BMPR2: variants seen among roughly 807,000 people sequenced by gnomAD.
The protein encoded by BMPR2 is bone morphogenetic protein receptor type 2.
In BMPR2, 29 loss-of-function variants were observed where a neutral mutation model predicts 100.8. The observed-to-expected ratio is 0.29, with a 90% CI of 0.21 to 0.39. BMPR2 has a LOEUF of 0.39. BMPR2 is among the 10% of genes least tolerant of loss of function. The pLI, the probability that BMPR2 is intolerant of heterozygous loss-of-function variation, is 1.00. For missense variants in BMPR2, 1,011 were observed against 1,274.5 expected, an observed-to-expected ratio of 0.79 and a Z score of 3.15; for synonymous variants, 382 against 442.3, an observed-to-expected ratio of 0.86 and a Z score of 1.71.
At chr2:202,487,804 C>T (rs568168152) in intron 3 of BMPR2, among the ~76,000 whole-genome samples, 1 of 152,240 alleles carries the variant, frequency 6.6e-6, no homozygotes, top group Non-Finnish European at 1.5e-5. Context: ...GTTTGGAGGC[C>T]CTTGAAAACA....
At chr2:202,550,948 T>C (rs980453462) in intron 10 of BMPR2, among the ~76,000 whole-genome samples, 2 of 25,252 alleles carry the variant, frequency 7.9e-5, no homozygotes, top group African/African-American at 3.7e-4. Flanking sequence ...GCATATCAGC[T>C]TTTTTTTTTT....
chr2:202,476,259 CA>C (rs1692549459), intron 3 of BMPR2, among the ~76,000 whole-genome samples: 1 of 129,986 alleles, frequency 7.7e-6, no homozygotes. Flanking sequence ...TTTCCAATTC[CA>C]TGTGTCCCTC....
chr2:202,450,824 T>G (rs547758302), intron 1 of BMPR2, among the ~76,000 whole-genome samples: 6 of 152,282 alleles, frequency 3.9e-5, no homozygotes, highest in African/African-American at 1.4e-4. Flanking sequence ...TAGATTAAGA[T>G]ACTCTGTTTT....
intron 1 of BMPR2, among the ~76,000 whole-genome samples, chr2:202,400,216 A>C (rs1690742333): frequency 6.6e-6 from 1 of 151,970 alleles, no homozygotes; most frequent in African/African-American, 2.4e-5. Context: ...ATCATAGTTC[A>C]CTGCAACCTT....
intron 2 of BMPR2, among the ~76,000 whole-genome samples, chr2:202,465,731 G>A (rs920597626): frequency 3.9e-5 from 6 of 151,988 alleles, no homozygotes; most frequent in African/African-American, 9.7e-5. Context: ...GGTGGCGGGC[G>A]CCTGTAGTCC....
intron 1 of BMPR2, among the ~76,000 whole-genome samples, chr2:202,405,439 A>G (rs1690868711): frequency 6.6e-6 from 1 of 152,146 alleles, no homozygotes; most frequent in South Asian, 2.1e-4. Flanking sequence ...CTGTAATCCC[A>G]GCACTTTGGA....
chr2:202,466,035 T>C (rs1172907240), intron 2 of BMPR2, among the ~76,000 whole-genome samples: 1 of 152,246 alleles, frequency 6.6e-6, no homozygotes, highest in Non-Finnish European at 1.5e-5. Flanking sequence ...GTAGACATTA[T>C]GTTATTTTCA....
chr2:202,457,561 T>TAGAGAGAG (rs72489501), intron 1 of BMPR2, among the ~76,000 whole-genome samples: 5 of 94,842 alleles, frequency 5.3e-5, no homozygotes, highest in Admixed American at 1.1e-4. Flanking sequence ...TATATATATA[T>TAGAGAGAG]AGAGAGAGAG....
At chr2:202,552,011 C>G (rs1458682403) in intron 10 of BMPR2, among the ~76,000 whole-genome samples, 1 of 152,094 alleles carries the variant, frequency 6.6e-6, no homozygotes, top group Non-Finnish European at 1.5e-5. Context: ...CATGCCACCA[C>G]ACCCAGCTGA....
At chr2:202,467,064 C>T (rs984578253) in intron 2 of BMPR2, 5 of 213,266 alleles carry the variant, frequency 2.3e-5, no homozygotes, top group South Asian at 7.5e-5. Flanking sequence ...AGTTTGAGAC[C>T]GGCCTGACCA....
intron 10 of BMPR2, among the ~76,000 whole-genome samples, chr2:202,550,178 GC>G (rs1688450968): frequency 6.6e-6 from 1 of 151,882 alleles, no homozygotes; most frequent in African/African-American, 2.4e-5. Context: ...GACCATCCTG[GC>G]CAACATGGTG....
intron 8 of BMPR2, among the ~76,000 whole-genome samples, chr2:202,531,270 T>C (rs1307846670): frequency 6.6e-6 from 1 of 152,214 alleles, no homozygotes; most frequent in Non-Finnish European, 1.5e-5. Flanking sequence ...GCCACTGCAC[T>C]CCATCCTGGG....
At chr2:202,441,803 G>A (rs1022250657) in intron 1 of BMPR2, among the ~76,000 whole-genome samples, 1 of 149,626 alleles carries the variant, frequency 6.7e-6, no homozygotes, top group Non-Finnish European at 1.5e-5. Flanking sequence ...GGAGGCCGAG[G>A]TGGGCGATCA....
In BMPR2 at chr2:202,532,149, G is replaced by A. The variant is rs919807885; in HGVS notation, c.1129-436G>A. 6.7e-6 allele frequency among the ~76,000 whole-genome samples: 1 copy of A among 148,648 alleles called. No homozygotes were observed. Among genetic ancestry groups the A allele is most frequent in the African/African-American group, 2.5e-5 (1 of 40,184 alleles). Reference sequence around the variant, plus strand: ...GTAGAGACGGGGTTTCACTGTGTTAGCCAGGATGGTCTCGATCTCCTGACC... The same window carrying A: ...GTAGAGACGGGGTTTCACTGTGTTAACCAGGATGGTCTCGATCTCCTGACC... On this transcript the variant is annotated intron_variant, in intron 8 of 12. Coordinates refer to ENST00000374580, the MANE Select transcript of BMPR2 (RefSeq NM_001204.7). This position sits in a 1 kb window ranked among gnomAD's most constrained non-coding sequence, Gnocchi z 4.1.
At chr2:202,490,473 G>A (rs576223207) in intron 3 of BMPR2, among the ~76,000 whole-genome samples, 56 of 152,282 alleles carry the variant, frequency 3.7e-4, no homozygotes, top group Non-Finnish European at 6.0e-4. Flanking sequence ...CCTTGAAAAT[G>A]AAAATAAGTT....
rs781299899 is a variant in BMPR2 at position 202,559,977 on chromosome 2, T to G, written c.*31T>G. The G allele has an allele frequency of 1.2e-6, 2 of 1,613,096 alleles. No individual in the cohort carries two copies. Among genetic ancestry groups the G allele is most frequent in the Non-Finnish European group, 1.7e-6 (2 of 1,179,978 alleles). On this transcript the variant is annotated 3_prime_UTR_variant, in exon 13 of 13. Transcript: ENST00000374580. Reference sequence around the variant, plus strand: ...TTTCAAGCCTATGGAGTGAAATTATTTTTTGCATCATTTAAACATGCAGAA... The same window carrying G: ...TTTCAAGCCTATGGAGTGAAATTATGTTTTGCATCATTTAAACATGCAGAA...
intron 1 of BMPR2, among the ~76,000 whole-genome samples, chr2:202,389,691 G>A (rs1337062835): frequency 6.6e-6 from 1 of 150,652 alleles, no homozygotes; most frequent in East Asian, 2.0e-4. Context: ...GTCCAGGCTG[G>A]AGTGCCATGG....
chr2:202,528,615 A>G (rs1300703329), intron 7 of BMPR2, among the ~76,000 whole-genome samples: 14 of 152,258 alleles, frequency 9.2e-5, no homozygotes, highest in Admixed American at 3.9e-4. Flanking sequence ...AACTATCTTA[A>G]ATATGCTCAG....
intron 7 of BMPR2, among the ~76,000 whole-genome samples, 199 bp from the exon 8 acceptor site, chr2:202,530,595 C>T (rs1367792768): frequency 6.6e-6 from 1 of 151,160 alleles, no homozygotes; most frequent in Non-Finnish European, 1.5e-5. Context: ...TAATGTTTAA[C>T]TATACATGCA....
Sources: allele counts gnomAD v4.1 joint callset (sites outside exome capture counted in the v4.1 genomes callset), GRCh38; gene constraint gnomAD v4.1.1; non-coding constraint Gnocchi (gnomAD v3.1); transcripts MANE v1.5; gene names NCBI Gene and HGNC (gene_info 2026-07-23, HGNC 2026-07-21).